Variants in RAD51B observed in about 807,000 individuals in gnomAD.
RAD51B encodes DNA repair protein RAD51 homolog 2.
In RAD51B, 38 loss-of-function variants were observed where a neutral mutation model predicts 42.2. The ratio of observed to expected loss-of-function variants is 0.90; its 90% CI spans 0.70 to 1.18. The LOEUF is 1.18. RAD51B is among the 50% of genes most tolerant of loss of function. RAD51B has a pLI of 0.00. For synonymous variants in RAD51B, 154 were observed against 145.2 expected, an observed-to-expected ratio of 1.06 and a Z score of -0.43; for missense variants, 373 against 400.7, an observed-to-expected ratio of 0.93 and a Z score of 0.59.
chr14:68,353,671 C>T (rs1280112511), intron 8 of RAD51B, among the ~76,000 whole-genome samples: 1 of 152,122 alleles, frequency 6.6e-6, no homozygotes, highest in Non-Finnish European at 1.5e-5. Flanking sequence ...GAGGTGCATC[C>T]GAGTCATAAT....
At chr14:68,543,886 T>C (rs1447750580) in intron 10 of RAD51B, among the ~76,000 whole-genome samples, 18 of 152,228 alleles carry the variant, frequency 1.2e-4, no homozygotes, top group Admixed American at 1.2e-3. Flanking sequence ...CTAGGACTCT[T>C]TTTGTTACAC....
chr14:68,392,444 C>G (rs1417331653), intron 8 of RAD51B, among the ~76,000 whole-genome samples: 4 of 152,206 alleles, frequency 2.6e-5, no homozygotes, highest in Non-Finnish European at 5.9e-5. Context: ...TGCTCCCTGC[C>G]TGTCTCCATA....
intron 7 of RAD51B, among the ~76,000 whole-genome samples, chr14:67,972,873 G>A (rs191850701): frequency 1.5e-3 from 234 of 152,168 alleles, no homozygotes; most frequent in African/African-American, 5.2e-3. Context: ...CTAATGGAAA[G>A]GGCATGGTGA....
intron 7 of RAD51B, among the ~76,000 whole-genome samples, chr14:68,031,337 A>G (rs963210813): frequency 6.6e-6 from 1 of 152,192 alleles, no homozygotes; most frequent in Non-Finnish European, 1.5e-5. Context: ...AATTATTTCC[A>G]CCTGGCCCTG....
intron 7 of RAD51B, among the ~76,000 whole-genome samples, chr14:68,096,564 T>C (rs2077198896): frequency 6.6e-6 from 1 of 152,190 alleles, no homozygotes; most frequent in African/African-American, 2.4e-5. Flanking sequence ...AAATTCAGTA[T>C]TCTTTCTGTG....
At chr14:68,344,113 C>A (rs1177608243) in intron 8 of RAD51B, among the ~76,000 whole-genome samples, 1 of 152,236 alleles carries the variant, frequency 6.6e-6, no homozygotes, top group African/African-American at 2.4e-5. Flanking sequence ...ATAGAGTCCT[C>A]ACCAGGGCAC....
In RAD51B at chr14:68,498,467, C is replaced by T. The variant is rs189032023; in HGVS notation, c.1036+30217C>T. 1.1e-3 allele frequency among the ~76,000 whole-genome samples: 175 copies of T among 152,276 alleles called. 2 individuals are homozygous for T. The highest frequency in any genetic ancestry group is 0.011 in the Admixed American group (168 of 15,304). On this transcript the variant is annotated intron_variant, in intron 10 of 10. Transcript: ENST00000487270. ...CCCTTTCCACAGGACTGTAGGGTTA[C>T]GGTGACTTTCCTACCCCTAGCCAGG...
chr14:67,955,230 A>C (rs2074524413), intron 7 of RAD51B, among the ~76,000 whole-genome samples: 2 of 152,314 alleles, frequency 1.3e-5, no homozygotes, highest in South Asian at 4.1e-4. Flanking sequence ...GAAAGGCTGC[A>C]TTCAGAAATA....
At position 68,501,553 on chromosome 14, in the gene RAD51B, G is replaced by C. The variant is rs1038936399; in HGVS notation, c.1036+33303G>C. ...TCCTTTTACACACCATGGGGGGCTG[G>C]AAGGCCCAAGCACAGGGTCAGCAGC... On this transcript the variant is annotated intron_variant, in intron 10 of 10. Coordinates refer to the RAD51B transcript ENST00000487270. 2.7e-4 allele frequency among the ~76,000 whole-genome samples: 41 copies of C among 152,218 alleles called. 1 individual carries two copies. Among genetic ancestry groups the C allele is most frequent in the Non-Finnish European group, 4.4e-5 (3 of 68,022 alleles).
chr14:68,638,202 TAGGCCACGTGA>T (rs1029426956), intron 10 of RAD51B, among the ~76,000 whole-genome samples: 3 of 152,206 alleles, frequency 2.0e-5, no homozygotes, highest in African/African-American at 7.2e-5. Flanking sequence ...CACACATGTG[TAGGCCACGTGA>T]AGGGTCTGTA....
At chr14:68,349,524 C>T (rs530432105) in intron 8 of RAD51B, among the ~76,000 whole-genome samples, 2 of 152,072 alleles carry the variant, frequency 1.3e-5, no homozygotes, top group African/African-American at 2.4e-5. Context: ...GTGCCCGACG[C>T]CCAGCTAATT....
intron 8 of RAD51B, among the ~76,000 whole-genome samples, chr14:68,342,683 A>G (rs1241795517): frequency 1.3e-5 from 2 of 151,794 alleles, no homozygotes; most frequent in Non-Finnish European, 2.9e-5. Flanking sequence ...GAAAGCAAGT[A>G]GAAAGGCGCA....
chr14:68,128,014 A>C (rs2077807807), intron 7 of RAD51B, among the ~76,000 whole-genome samples: 2 of 152,364 alleles, frequency 1.3e-5, no homozygotes, highest in Non-Finnish European at 2.9e-5. Flanking sequence ...GAACATAAAA[A>C]TGAATGTATG....
intron 7 of RAD51B, among the ~76,000 whole-genome samples, chr14:68,166,637 AGAAAAGTGCTGTTGAATTCATCATTCCC>A (rs1175445026): frequency 3.9e-5 from 6 of 152,150 alleles, no homozygotes. Context: ...AGAGAGTGTA[AGAAAAGTGCTGTTGAATTCATCATTCCC>A]ATTAGCACCA....
At chr14:67,837,335 A>G (rs987103320) in intron 4 of RAD51B, among the ~76,000 whole-genome samples, 2 of 151,574 alleles carry the variant, frequency 1.3e-5, no homozygotes, top group African/African-American at 4.9e-5. Flanking sequence ...TAGCAAAAAC[A>G]TTGAACTTAA....
At chr14:68,631,221 G>C (rs1478424480) in intron 10 of RAD51B, among the ~76,000 whole-genome samples, 1 of 152,224 alleles carries the variant, frequency 6.6e-6, no homozygotes, top group East Asian at 1.9e-4. Context: ...GTGTAGTTGG[G>C]ATATACTGGA....
chr14:67,829,907 AT>A (rs1404574259), intron 3 of RAD51B, among the ~76,000 whole-genome samples: 1 of 152,172 alleles, frequency 6.6e-6, no homozygotes, highest in East Asian at 1.9e-4. Context: ...TATAATAGGG[AT>A]TACTTAGTTT....
chr14:68,148,498 G>T (rs1385511812), intron 7 of RAD51B, among the ~76,000 whole-genome samples: 1 of 152,178 alleles, frequency 6.6e-6, no homozygotes, highest in Non-Finnish European at 1.5e-5. Context: ...CATTGCTTTG[G>T]ATTTTAGTCA....
chr14:68,594,775 T>C, exon 11 of RAD51B: 1 of 1,252,032 alleles, frequency 8.0e-7, no homozygotes, highest in Non-Finnish European at 1.0e-6. Flanking sequence ...ACTGGAGATG[T>C]GTGTAGGGCC....
Sources: allele counts gnomAD v4.1 joint callset (sites outside exome capture counted in the v4.1 genomes callset), GRCh38; gene constraint gnomAD v4.1.1; transcripts MANE v1.5; gene names NCBI Gene and HGNC (gene_info 2026-07-23, HGNC 2026-07-21).